The following RARB variants were observed in gnomAD, a reference collection of about 807,000 sequenced individuals.
RARB encodes HBV-activated protein.
In RARB, 17 loss-of-function variants were observed where a neutral mutation model predicts 51.9. That is an observed-to-expected ratio of 0.33 (90% CI 0.22 to 0.49). The LOEUF is 0.49. Among genes scored for constraint, RARB ranks in the 20% least tolerant of loss-of-function variants. RARB has a pLI of 0.99. For synonymous variants in RARB, 215 were observed against 195.4 expected, an observed-to-expected ratio of 1.10 and a Z score of -0.84; for missense variants, 369 against 550.8, an observed-to-expected ratio of 0.67 and a Z score of 3.30.
intron 5 of RARB, among the ~76,000 whole-genome samples, chr3:25,330,388 C>T (rs1704856423): frequency 6.6e-6 from 1 of 152,124 alleles, no homozygotes; most frequent in African/African-American, 2.4e-5. Flanking sequence ...GAATTTTCAA[C>T]CCAGAATTTC....
At chr3:25,269,537 T>G in intron 5 of RARB, among the ~76,000 whole-genome samples, 1 of 152,206 alleles carries the variant, frequency 6.6e-6, no homozygotes, top group East Asian at 1.9e-4. Flanking sequence ...CAGGAAGAGC[T>G]GCTTCTTCAT....
chr3:25,271,310 T>C (rs753916257), intron 5 of RARB, among the ~76,000 whole-genome samples: 4 of 152,170 alleles, frequency 2.6e-5, no homozygotes, highest in Admixed American at 2.6e-4. Context: ...ATATAAATAA[T>C]AGTGTGCTAA....
At chr3:25,507,931 G>T (rs904385286) in intron 3 of RARB, among the ~76,000 whole-genome samples, 1 of 152,138 alleles carries the variant, frequency 6.6e-6, no homozygotes, top group Non-Finnish European at 1.5e-5. Context: ...ACCATGGAAG[G>T]TACTGTTGCT....
At chr3:24,993,881 C>G (rs1696967704) in intron 2 of RARB, among the ~76,000 whole-genome samples, 1 of 152,006 alleles carries the variant, frequency 6.6e-6, no homozygotes, top group African/African-American at 2.4e-5. Flanking sequence ...GTATATATAC[C>G]ATGCTTTCTT....
chr3:25,410,078 T>C (rs145626364), intron 5 of RARB, among the ~76,000 whole-genome samples: 1 of 152,358 alleles, frequency 6.6e-6, no homozygotes, highest in East Asian at 1.9e-4. Flanking sequence ...TATAATCCGT[T>C]CATCATTCCC....
At chr3:24,895,961 C>T (rs1199202842) in intron 2 of RARB, among the ~76,000 whole-genome samples, 1 of 152,146 alleles carries the variant, frequency 6.6e-6, no homozygotes, top group East Asian at 1.9e-4. Context: ...GGAAACAAAT[C>T]ATATCTATAA....
intron 4 of RARB, among the ~76,000 whole-genome samples, chr3:25,145,481 T>C (rs898650472): frequency 5.7e-5 from 8 of 141,222 alleles, no homozygotes; most frequent in Admixed American, 3.0e-4. Flanking sequence ...GAGTTACTCA[T>C]ATTGAAAATT....
chr3:25,277,900 C>T (rs1703432427), intron 5 of RARB, among the ~76,000 whole-genome samples: 2 of 152,310 alleles, frequency 1.3e-5, no homozygotes, highest in African/African-American at 4.8e-5. Context: ...CTCCCATAAA[C>T]ATGACAACTC....
chr3:25,223,393 C>G (rs1701989610), intron 5 of RARB, among the ~76,000 whole-genome samples: 1 of 152,066 alleles, frequency 6.6e-6, no homozygotes, highest in Non-Finnish European at 1.5e-5. Flanking sequence ...AGTGTAGAGG[C>G]TAGAAGAAAT....
chr3:24,834,809 TTC>T (rs1196016299), intron 1 of RARB, among the ~76,000 whole-genome samples: 3 of 152,234 alleles, frequency 2.0e-5, no homozygotes, highest in Admixed American at 6.5e-5. Context: ...CCACTTTATA[TTC>T]TCTGTTAGTC....
At chr3:25,160,042 G>T (rs1436421594) in intron 4 of RARB, among the ~76,000 whole-genome samples, 1 of 152,118 alleles carries the variant, frequency 6.6e-6, no homozygotes, top group African/African-American at 2.4e-5. Context: ...ACTGAGATTT[G>T]ATATTTTTGT....
intron 2 of RARB, among the ~76,000 whole-genome samples, chr3:24,905,941 T>C (rs1428794936): frequency 6.6e-6 from 1 of 152,234 alleles, no homozygotes; most frequent in Non-Finnish European, 1.5e-5. Flanking sequence ...ATTTCCTTGT[T>C]AAAACTAGAC....
At chr3:25,041,873 G>A (rs1019079651) in intron 2 of RARB, among the ~76,000 whole-genome samples, 2 of 152,078 alleles carry the variant, frequency 1.3e-5, no homozygotes, top group Non-Finnish European at 2.9e-5. Context: ...TTAAGTGGAG[G>A]TGGTAATATA....
chr3:25,268,082 A>T (rs919792814), intron 5 of RARB, among the ~76,000 whole-genome samples: 2 of 152,180 alleles, frequency 1.3e-5, no homozygotes, highest in African/African-American at 4.8e-5. Flanking sequence ...AAAATTTTAT[A>T]ATCTTCCCAA....
At chr3:25,178,218 G>A (rs2125355666) in intron 5 of RARB, among the ~76,000 whole-genome samples, 1 of 152,178 alleles carries the variant, frequency 6.6e-6, no homozygotes, top group Non-Finnish European at 1.5e-5. Context: ...CATCTTCTGT[G>A]TGTACATGCC....
chr3:25,124,302 A>G (rs953745901), intron 3 of RARB, among the ~76,000 whole-genome samples: 1 of 152,196 alleles, frequency 6.6e-6, no homozygotes, highest in Non-Finnish European at 1.5e-5. Flanking sequence ...TGAACCCAGG[A>G]GGTGAAAGTT....
chr3:25,273,369 AATC>A (rs1359920946), intron 5 of RARB, among the ~76,000 whole-genome samples: 1 of 152,208 alleles, frequency 6.6e-6, no homozygotes, highest in Non-Finnish European at 1.5e-5. Context: ...TAACCTTTAA[AATC>A]ATCACCTAAT....
chr3:25,132,568 T>C (rs7643390), intron 4 of RARB, among the ~76,000 whole-genome samples: 85,721 of 151,098 alleles, frequency 0.57, 24,512 homozygotes, highest in East Asian at 0.7. Context: ...AAAAACGTTA[T>C]GCTTGGCACT....
At chr3:25,216,940 G>A (rs1701848038) in intron 5 of RARB, among the ~76,000 whole-genome samples, 1 of 151,962 alleles carries the variant, frequency 6.6e-6, no homozygotes, top group African/African-American at 2.4e-5. Context: ...TCTGGCCTAT[G>A]TATTTTTTAC....
Sources: allele counts gnomAD v4.1 joint callset (sites outside exome capture counted in the v4.1 genomes callset), GRCh38; gene constraint gnomAD v4.1.1; transcripts MANE v1.5; gene names NCBI Gene and HGNC (gene_info 2026-07-23, HGNC 2026-07-21).